The following PGBD2 variants were observed in gnomAD, a reference collection of about 807,000 sequenced individuals.
The protein encoded by PGBD2 is piggyBac transposable element derived 2.
PGBD2 carries 6 observed loss-of-function variants against 8.1 expected under a neutral mutation model. The observed-to-expected ratio is 0.74, with a 90% CI of 0.40 to 1.46. PGBD2 has a LOEUF of 1.46. PGBD2 is among the 40% of genes most tolerant of loss of function. The probability of loss-of-function intolerance (pLI) is 0.02; values close to 1 mark genes in which losing one functional copy is unlikely to be tolerated. For synonymous variants in PGBD2, 318 were observed against 272.2 expected (o/e 1.17, Z -1.66); for missense variants, 802 against 739.0 (o/e 1.09, Z -0.99).
intron 1 of PGBD2, among the ~76,000 whole-genome samples, chr1:248,913,532 C>G (rs1330555243): frequency 2.0e-5 from 3 of 152,102 alleles, no homozygotes; most frequent in African/African-American, 7.2e-5. Flanking sequence ...TTAGTAGAAG[C>G]CAGGGATGCC....
the PGBD2 span, among the ~76,000 whole-genome samples, chr1:248,878,137 G>C: frequency 6.6e-6 from 1 of 151,678 alleles, no homozygotes; most frequent in Non-Finnish European, 1.5e-5. Flanking sequence ...ATTTAGTTTA[G>C]TGCTCACCTT....
the PGBD2 span, among the ~76,000 whole-genome samples, chr1:248,889,165 T>C: frequency 6.6e-6 from 1 of 152,268 alleles, no homozygotes; most frequent in African/African-American, 2.4e-5. Context: ...GGTGGGCAGA[T>C]CATGAGGTCA....
chr1:248,914,757 A>G (rs1374715419), intron 2 of PGBD2, among the ~76,000 whole-genome samples: 1 of 152,124 alleles, frequency 6.6e-6, no homozygotes, highest in African/African-American at 2.4e-5. Flanking sequence ...ACCCTGTTCC[A>G]TGGTTCACCC....
At chr1:248,876,789 A>G in the PGBD2 span, among the ~76,000 whole-genome samples, 3 of 152,204 alleles carry the variant, frequency 2.0e-5, no homozygotes, top group Non-Finnish European at 4.4e-5. Context: ...AAAAGTTTGG[A>G]TCATTCTGAA....
chr1:248,885,609 C>G, the PGBD2 span, among the ~76,000 whole-genome samples: 2 of 152,068 alleles, frequency 1.3e-5, no homozygotes, highest in East Asian at 1.9e-4. Flanking sequence ...CAACTCTATC[C>G]CACTTAAAGA....
At chr1:248,873,551 G>A in the PGBD2 span, among the ~76,000 whole-genome samples, 9 of 152,372 alleles carry the variant, frequency 5.9e-5, no homozygotes, top group South Asian at 1.9e-3. Flanking sequence ...TGGGCCGGAA[G>A]GTGAGGCGGT....
In PGBD2 at chr1:248,915,109, C is replaced by T. The variant is rs371364954; in HGVS notation, c.17+1230C>T. ...CCCTTTGTTGCATTCTGTCCTTATCCGGGATGGCATTCATTGCTACCTGAC... is the reference window on the plus strand; with the variant it reads ...CCCTTTGTTGCATTCTGTCCTTATCTGGGATGGCATTCATTGCTACCTGAC... On this transcript the variant is annotated intron_variant, in intron 2 of 2. Coordinates refer to ENST00000329291, the MANE Select transcript of PGBD2 (RefSeq NM_170725.3). 3.9e-5 allele frequency among the ~76,000 whole-genome samples: 6 copies of T among 152,284 alleles called. No homozygotes were observed. The South Asian group carries it at 6.2e-4, about 16-fold the overall frequency.
the PGBD2 span, among the ~76,000 whole-genome samples, chr1:248,926,031 C>T: frequency 1.3e-5 from 2 of 152,086 alleles, no homozygotes; most frequent in South Asian, 2.1e-4. Flanking sequence ...CTGTCACTTC[C>T]TCTAAGGACC....
chr1:248,894,818 A>G, the PGBD2 span, among the ~76,000 whole-genome samples: 3 of 146,886 alleles, frequency 2.0e-5, no homozygotes, highest in Non-Finnish European at 3.0e-5. Context: ...TTCTTAGATG[A>G]GGTCTCGCTC....
chr1:248,920,825 T>A (rs1324832026), downstream of PGBD2, among the ~76,000 whole-genome samples: 2 of 152,232 alleles, frequency 1.3e-5, no homozygotes. Context: ...GACTTGTTAA[T>A]GATCGCCATT....
chr1:248,887,985 C>T, the PGBD2 span, among the ~76,000 whole-genome samples: 2 of 152,162 alleles, frequency 1.3e-5, no homozygotes, highest in South Asian at 2.1e-4. Flanking sequence ...AGTTTAGCCC[C>T]CACTACTAAG....
At chr1:248,894,447 G>C in the PGBD2 span, among the ~76,000 whole-genome samples, 1 of 152,026 alleles carries the variant, frequency 6.6e-6, no homozygotes, top group African/African-American at 2.4e-5. Flanking sequence ...TTTGTGTATG[G>C]TGTAAGACAA....
At chr1:248,875,322 A>G in the PGBD2 span, among the ~76,000 whole-genome samples, 1 of 140,192 alleles carries the variant, frequency 7.1e-6, no homozygotes, top group East Asian at 1.9e-4. Flanking sequence ...AAAAAAAAAA[A>G]AAAAAAGAAA....
the PGBD2 span, among the ~76,000 whole-genome samples, chr1:248,898,245 A>G: frequency 6.6e-6 from 1 of 152,092 alleles, no homozygotes; most frequent in African/African-American, 2.4e-5. Flanking sequence ...CTACTTCTTC[A>G]AGCAGGTCCC....
rs1558289973 is a variant in PGBD2, at chr1:248,917,677, A to G, written c.1093A>G (p.Lys365Glu). ...TSVKLMSILR[K>E]KGVKATGTVR... ...TGTTAAACTGATGTCCATTTTGAGG[A>G]AAAAGGGGGTGAAAGCCACAGGAAC... Residue 365 changes from lysine to glutamate, a missense_variant, in exon 3 of 3, where the codon AAA (lysine) becomes GAA (glutamate). By Grantham distance (56) the Lys-to-Glu change is moderately conservative. Transcript: ENST00000329291. The G allele has an allele frequency of 1.9e-6, 3 of 1,614,156 alleles. No homozygotes were observed. The highest frequency in any genetic ancestry group is 2.5e-6 in the Non-Finnish European group (3 of 1,180,016).
At chr1:248,880,131 A>G in the PGBD2 span, among the ~76,000 whole-genome samples, 1 of 152,166 alleles carries the variant, frequency 6.6e-6, no homozygotes, top group Admixed American at 6.5e-5. Flanking sequence ...ATATTGTCAC[A>G]GATTTTTCTT....
At position 248,918,873 on chromosome 1, in the gene PGBD2, A is replaced by T. The variant is rs959676809; in HGVS notation, c.*510A>T. On this transcript the variant is annotated 3_prime_UTR_variant, in exon 3 of 3. Coordinates refer to ENST00000329291, the MANE Select transcript of PGBD2 (RefSeq NM_170725.3). ...TCAGAGGGCTAGAGGTGCAGATTTC[A>T]TATTTTCTTAATGAAAATATTTTCC... 6.0e-6 allele frequency: 1 copy of T among 167,052 alleles called. No homozygotes were observed. The highest frequency in any genetic ancestry group is 2.4e-5 in the African/African-American group (1 of 41,454). 10.3% of individuals were successfully genotyped at this position (167,052 alleles called of 1,614,324 possible).
chr1:248,888,637 A>G, the PGBD2 span, among the ~76,000 whole-genome samples: 1 of 152,162 alleles, frequency 6.6e-6, no homozygotes, highest in Non-Finnish European at 1.5e-5. Flanking sequence ...TCTGGATATT[A>G]GACCTTTGTC....
chr1:248,904,602 T>C (rs1290877288), upstream of PGBD2, among the ~76,000 whole-genome samples: 1 of 152,230 alleles, frequency 6.6e-6, no homozygotes, highest in Admixed American at 6.5e-5. Flanking sequence ...TCTTTGACTT[T>C]CTTTTGTCTC....
Sources: gnomAD v4.1 joint callset for allele counts (sites outside exome capture counted in the v4.1 genomes callset) on GRCh38, gnomAD v4.1.1 for gene constraint, MANE v1.5 for transcripts, NCBI Gene and HGNC (gene_info 2026-07-23, HGNC 2026-07-21) for gene names.